RBFOX2: variants seen among roughly 807,000 people sequenced by gnomAD.
RBFOX2 encodes RNA binding fox-1 homolog 2, also known as RNA binding protein fox-1 homolog 2.
Under a neutral mutation model 49.1 loss-of-function variants are expected in RBFOX2, and 10 were observed. That is an observed-to-expected ratio of 0.20 (90% CI 0.13 to 0.35). The LOEUF (loss-of-function observed/expected upper bound fraction) is 0.35. Ranked by LOEUF, RBFOX2 falls within the 10% of genes least tolerant of loss-of-function variation. The pLI is 1.00. For synonymous variants in RBFOX2, 183 were observed against 187.4 expected, an observed-to-expected ratio of 0.98 and a Z score of 0.19; for missense variants, 323 against 486.9, an observed-to-expected ratio of 0.66 and a Z score of 3.17.
exon 1 of RBFOX2, chr22:36,028,248 C>A: frequency 6.5e-7 from 1 of 1,527,218 alleles, no homozygotes; most frequent in East Asian, 2.7e-5. Flanking sequence ...ACCTGCATCC[C>A]GCCGCCACCG....
At chr22:35,806,561 A>G (rs1215644056) in intron 2 of RBFOX2, among the ~76,000 whole-genome samples, 2 of 152,210 alleles carry the variant, frequency 1.3e-5, no homozygotes, top group African/African-American at 4.8e-5. Context: ...AAGAAACACC[A>G]GCACAAACAA....
intron 4 of RBFOX2, among the ~76,000 whole-genome samples, chr22:35,776,676 C>T (rs2146968809): frequency 1.3e-5 from 2 of 152,158 alleles, no homozygotes; most frequent in East Asian, 3.9e-4. Context: ...TTAACCATAG[C>T]CAAAAGCTAT....
At chr22:35,850,842 T>C (rs770033471) in intron 1 of RBFOX2, among the ~76,000 whole-genome samples, 6 of 152,164 alleles carry the variant, frequency 3.9e-5, no homozygotes, top group Non-Finnish European at 8.8e-5. Context: ...AAGTGAAAAT[T>C]AATGTTTATT....
chr22:35,943,035 G>A (rs1381504428), upstream of RBFOX2, among the ~76,000 whole-genome samples: 2 of 152,178 alleles, frequency 1.3e-5, no homozygotes, highest in Non-Finnish European at 2.9e-5. Context: ...TAAGTGATTT[G>A]CTCATAATCA....
intron 1 of RBFOX2, among the ~76,000 whole-genome samples, chr22:35,931,567 G>A (rs944879651): frequency 6.6e-6 from 1 of 152,070 alleles, no homozygotes; most frequent in African/African-American, 2.4e-5. Context: ...ATGAACTCAG[G>A]AGTTCAAGAC....
intron 1 of RBFOX2, among the ~76,000 whole-genome samples, chr22:35,929,941 T>C: frequency 6.6e-6 from 1 of 151,962 alleles, no homozygotes; most frequent in East Asian, 1.9e-4. Flanking sequence ...CACAACTCTA[T>C]ACGTTTACTA....
intron 1 of RBFOX2, among the ~76,000 whole-genome samples, chr22:35,937,987 CA>C (rs2053289504): frequency 6.6e-6 from 1 of 152,196 alleles, no homozygotes; most frequent in African/African-American, 2.4e-5. Flanking sequence ...CACTGTAACT[CA>C]TATCTCCTGG....
At chr22:35,968,557 G>A (rs1235708335) in intron 1 of RBFOX2, among the ~76,000 whole-genome samples, 6 of 152,142 alleles carry the variant, frequency 3.9e-5, no homozygotes, top group African/African-American at 1.4e-4. Context: ...GAAGCTTATG[G>A]AATTAAAACT....
upstream of RBFOX2, chr22:35,840,635 T>C (rs942741282): frequency 2.2e-5 from 20 of 928,730 alleles, no homozygotes; most frequent in East Asian, 8.0e-5. Flanking sequence ...TGTGTGCGTG[T>C]GTGTGTGTGT....
chr22:35,754,866 G>C (rs1936380338), intron 9 of RBFOX2, among the ~76,000 whole-genome samples: 1 of 152,152 alleles, frequency 6.6e-6, no homozygotes, highest in Admixed American at 6.5e-5. Flanking sequence ...CTGTAAGTTA[G>C]GAGGTTGGAC....
At chr22:35,935,903 G>T (rs769058140) in intron 1 of RBFOX2, among the ~76,000 whole-genome samples, 10 of 152,066 alleles carry the variant, frequency 6.6e-5, no homozygotes, top group Non-Finnish European at 1.2e-4. Flanking sequence ...TTCAAAAGGG[G>T]TGTTTGGGAG....
chr22:35,782,326 GCTT>G (rs1299395317), intron 2 of RBFOX2, among the ~76,000 whole-genome samples: 1 of 152,078 alleles, frequency 6.6e-6, no homozygotes, highest in Non-Finnish European at 1.5e-5. Context: ...AACTGAAGAA[GCTT>G]CTTTTTTTTG....
chr22:35,753,641 C>A (rs1032492911), intron 9 of RBFOX2, among the ~76,000 whole-genome samples: 10 of 150,386 alleles, frequency 6.6e-5, no homozygotes, highest in South Asian at 2.1e-4. Context: ...AAAAAAAAAA[C>A]CAAGAGTATT....
upstream of RBFOX2, among the ~76,000 whole-genome samples, chr22:35,844,660 GTTTTTT>G (rs557706176): frequency 8.8e-6 from 1 of 114,270 alleles, no homozygotes. Context: ...ATGCCCGGCA[GTTTTTT>G]TTTTTTTTTT....
upstream of RBFOX2, among the ~76,000 whole-genome samples, chr22:35,840,862 G>C (rs890495251): frequency 3.9e-5 from 6 of 152,198 alleles, no homozygotes; most frequent in African/African-American, 1.2e-4. Flanking sequence ...CTGATGTACA[G>C]TTTATAGATG....
intron 1 of RBFOX2, among the ~76,000 whole-genome samples, chr22:35,906,719 T>G (rs2049163688): frequency 6.6e-6 from 1 of 151,858 alleles, no homozygotes; most frequent in Non-Finnish European, 1.5e-5. Context: ...GGTGGCTGAG[T>G]CACAAGAATT....
intron 1 of RBFOX2, among the ~76,000 whole-genome samples, chr22:36,013,282 T>C (rs187443771): frequency 5.9e-5 from 9 of 152,168 alleles, no homozygotes; most frequent in African/African-American, 1.9e-4. Flanking sequence ...AAGAAAAAGA[T>C]TGTTCCTGCC....
intron 1 of RBFOX2, chr22:35,961,509 C>G: frequency 5.4e-6 from 7 of 1,301,838 alleles, no homozygotes; most frequent in Non-Finnish European, 6.1e-6. Flanking sequence ...AGCCACAATT[C>G]CCCTGCACAA....
intron 1 of RBFOX2, among the ~76,000 whole-genome samples, chr22:36,014,333 A>C (rs969345286): frequency 4.6e-5 from 7 of 152,004 alleles, no homozygotes; most frequent in African/African-American, 1.7e-4. Context: ...CGTGGTCTCG[A>C]TCTCCTGACC....
Sources: gnomAD v4.1 joint callset for allele counts (sites outside exome capture counted in the v4.1 genomes callset) on GRCh38, gnomAD v4.1.1 for gene constraint, MANE v1.5 for transcripts, NCBI Gene and HGNC (gene_info 2026-07-23, HGNC 2026-07-21) for gene names.